NCAPH: variants seen among roughly 807,000 people sequenced by gnomAD.
The protein encoded by NCAPH is non-SMC condensin I complex subunit H, also known as condensin complex subunit 2.
In NCAPH, 38 loss-of-function variants were observed where a neutral mutation model predicts 85.5. The observed-to-expected ratio is 0.44, with a 90% CI of 0.34 to 0.58. The LOEUF (loss-of-function observed/expected upper bound fraction) is 0.58, where lower values mean the gene tolerates loss of function less well. Ranked by LOEUF, NCAPH falls within the 20% of genes least tolerant of loss-of-function variation. The pLI, the probability that NCAPH is intolerant of heterozygous loss-of-function variation, is 0.01. For synonymous variants in NCAPH, 301 were observed against 335.1 expected, an observed-to-expected ratio of 0.90 and a Z score of 1.11; for missense variants, 789 against 916.6, an observed-to-expected ratio of 0.86 and a Z score of 1.80.
rs776797054 is a variant in NCAPH at position 96,343,222 on chromosome 2, C to A, written c.513C>A (p.Ala171=). 6.2e-7 allele frequency: 1 copy of A among 1,614,000 alleles called. No individual in the cohort carries two copies. Among genetic ancestry groups the A allele is most frequent in the African/African-American group, 1.3e-5 (1 of 74,884 alleles). Reference sequence around the variant, plus strand: ...AGATCTATGCTGTGCGCGTGGATGCCGTCCATGCCGATGTATACAGAGTCC... The same window carrying A: ...AGATCTATGCTGTGCGCGTGGATGCAGTCCATGCCGATGTATACAGAGTCC... ...STKIYAVRVD[A]VHADVYRVLG... The change falls in exon 5 of 18, where the codon GCC becomes GCA. Residue 171 remains alanine, a synonymous_variant. Coordinates refer to ENST00000240423, the MANE Select transcript of NCAPH (RefSeq NM_015341.5).
chr2:96,361,606 T>G (rs2104477266), intron 12 of NCAPH, among the ~76,000 whole-genome samples: 1 of 151,974 alleles, frequency 6.6e-6, no homozygotes. Context: ...ATGTCCCTGC[T>G]GACAGGGTAA....
chr2:96,341,980 G>C (rs1450472510), intron 2 of NCAPH, 70 bp from the exon 3 acceptor site: 5 of 1,605,360 alleles, frequency 3.1e-6, no homozygotes, highest in South Asian at 2.2e-5. Context: ...AAACTTCATG[G>C]GTCTAGGTTT....
At chr2:96,366,923 A>G (rs2064708316) in intron 14 of NCAPH, among the ~76,000 whole-genome samples, 1 of 151,612 alleles carries the variant, frequency 6.6e-6, no homozygotes, top group Non-Finnish European at 1.5e-5. Flanking sequence ...GCGTGGCCAA[A>G]ATGGTGAAAT....
At chr2:96,349,746 C>T (rs931082350) in intron 6 of NCAPH, among the ~76,000 whole-genome samples, 2 of 152,122 alleles carry the variant, frequency 1.3e-5, no homozygotes, top group Non-Finnish European at 2.9e-5. Flanking sequence ...ATATATGAGC[C>T]GATCTCTTTT....
rs994173882 is a variant in NCAPH at position 96,376,896 on chromosome 2, A to G, written c.*3545A>G. ...CACAATAGGGTGACTATAGTCAATA[A>G]TAACAATTGTATATTTTAAAATAAA... On this transcript the variant is annotated 3_prime_UTR_variant, in exon 18 of 18. Transcript: ENST00000240423. Among the ~76,000 whole-genome samples, 1 of 152,206 alleles carries G rather than the reference A, an allele frequency of 6.6e-6. No individual in the cohort carries two copies. The highest frequency in any genetic ancestry group is 2.4e-5 in the African/African-American group (1 of 41,452).
intron 1 of NCAPH, among the ~76,000 whole-genome samples, chr2:96,340,640 T>C (rs1167685176): frequency 6.6e-6 from 1 of 152,096 alleles, no homozygotes; most frequent in Non-Finnish European, 1.5e-5. Flanking sequence ...TCCACCCACC[T>C]CGGCCTCCCA....
chr2:96,359,018 G>A (rs192580840), intron 9 of NCAPH, 27 bp from the exon 10 acceptor site: 1 of 1,610,470 alleles, frequency 6.2e-7, no homozygotes, highest in Admixed American at 1.7e-5. Flanking sequence ...TATATGTATT[G>A]TACATGTACA....
At position 96,361,785 on chromosome 2, in the gene NCAPH, CAT is replaced by C. The variant is rs1417783832; in HGVS notation, c.1587+1082_1587+1083del. Among the ~76,000 whole-genome samples, 762 of 98,680 alleles carry C rather than the reference CAT, an allele frequency of 7.7e-3. 9 individuals are homozygous for C. Among genetic ancestry groups the C allele is most frequent in the African/African-American group, 0.025 (665 of 26,242 alleles). 64.7% of individuals were successfully genotyped at this position (98,680 alleles called of 152,430 possible). On this transcript the variant is annotated intron_variant, in intron 12 of 17. Coordinates refer to ENST00000240423, the MANE Select transcript of NCAPH (RefSeq NM_015341.5). ...ATATATATACATATATATATATACACATATATATGTATATATATGTGTATATA... is the reference window on the plus strand; with the variant it reads ...ATATATATACATATATATATATACACATATATGTATATATATGTGTATATA...
chr2:96,341,168 G>GTTTTACA (rs2104419473), intron 1 of NCAPH, among the ~76,000 whole-genome samples: 1 of 152,212 alleles, frequency 6.6e-6, no homozygotes, highest in African/African-American at 2.4e-5. Flanking sequence ...CATTCTATTT[G>GTTTTACA]TTTTACATGT....
rs766047172 is a variant in NCAPH, at chr2:96,354,160, A to G, written c.1003-23A>G. On this transcript the variant is annotated intron_variant, in intron 8 of 17. Transcript: ENST00000240423. ...GGGTGGTTATAGGAATGAGAATTAC[A>G]GAACCCTCTTTTGTCCCTCCAGTCT... 41 of 1,607,630 alleles carry G rather than the reference A, an allele frequency of 2.6e-5. 1 individual carries two copies. The South Asian group carries it at 4.3e-4, about 17-fold the overall frequency.
Position 96,355,615 on chromosome 2 carries a change from A to G in NCAPH, c.1208+1227A>G, listed in dbSNP as rs114907273. Among the ~76,000 whole-genome samples the G allele has an allele frequency of 8.2e-3, 1,209 of 148,162 alleles. 19 individuals are homozygous for G. Among genetic ancestry groups the G allele is most frequent in the African/African-American group, 0.029 (1,161 of 40,262 alleles). ...ATGGCTGCAATTTTGCCCCATTCTC[A>G]TCGTGTCTTTTTTGTTTTTATGTTT... On this transcript the variant is annotated intron_variant, in intron 9 of 17. Transcript: ENST00000240423.
In NCAPH at chr2:96,373,897, T is replaced by C. The variant is rs1374986630; in HGVS notation, c.*546T>C. ...GACCTAGTCCTTACCCTTAGGGGGA[T>C]GCAGTCCTGGTTGTTATCCAGGATA... On this transcript the variant is annotated 3_prime_UTR_variant, in exon 18 of 18. Coordinates refer to ENST00000240423, the MANE Select transcript of NCAPH (RefSeq NM_015341.5). 6.6e-6 allele frequency: 1 copy of C among 152,544 alleles called. No homozygotes were observed. Among genetic ancestry groups the C allele is most frequent in the African/African-American group, 2.4e-5 (1 of 41,458 alleles). 9.4% of individuals were successfully genotyped at this position (152,544 alleles called of 1,614,324 possible). A position where few individuals can be genotyped will look rare whatever the true frequency, so the allele number is the denominator to read the frequency against.
Position 96,373,477 on chromosome 2 carries a change from G to A in NCAPH, c.*126G>A. On this transcript the variant is annotated 3_prime_UTR_variant, in exon 18 of 18. Transcript: ENST00000240423. Reference sequence around the variant, plus strand: ...GCTGTAGCCAACTACCAACGTGCCTGTTTGTTTGTTGCTCTTTCCTTCTCT... The same window carrying A: ...GCTGTAGCCAACTACCAACGTGCCTATTTGTTTGTTGCTCTTTCCTTCTCT... 1 of 849,258 alleles carries A rather than the reference G, an allele frequency of 1.2e-6. No individual in the cohort carries two copies. The highest frequency in any genetic ancestry group is 1.9e-6 in the Non-Finnish European group (1 of 521,136). The allele number at this position is 849,258 out of a possible 1,614,324, so 52.6% of individuals were successfully genotyped here. A position where few individuals can be genotyped will look rare whatever the true frequency, so the allele number is the denominator to read the frequency against.
chr2:96,345,903 A>G (rs2064355419), intron 6 of NCAPH, among the ~76,000 whole-genome samples: 1 of 152,182 alleles, frequency 6.6e-6, no homozygotes, highest in African/African-American at 2.4e-5. Context: ...AAACACTTGA[A>G]TATAGGTAGT....
intron 9 of NCAPH, 115 bp downstream of exon 9, chr2:96,354,503 AAT>A (rs920000352): frequency 1.1e-4 from 96 of 898,028 alleles, no homozygotes; most frequent in Non-Finnish European, 1.5e-4. Context: ...CCCCCCCAAA[AAT>A]AGAGACGGGC....
chr2:96,348,529 C>T (rs1028527155), intron 6 of NCAPH, among the ~76,000 whole-genome samples: 2 of 151,896 alleles, frequency 1.3e-5, no homozygotes, highest in Non-Finnish European at 2.9e-5. Context: ...ATGCTACACA[C>T]ATCTGAAGTG....
At position 96,374,006 on chromosome 2, in the gene NCAPH, T is replaced by G. The variant is rs2064805944; in HGVS notation, c.*655T>G. Among the ~76,000 whole-genome samples the G allele has an allele frequency of 6.6e-6, 1 of 152,250 alleles. No homozygotes were observed. The highest frequency in any genetic ancestry group is 6.5e-5 in the Admixed American group (1 of 15,288). ...AGAATGGAAGAGAGAGATTGCTGAC[T>G]GGACATTCAGATGCAAGACTGGGTC... On this transcript the variant is annotated 3_prime_UTR_variant, in exon 18 of 18. Transcript: ENST00000240423.
chr2:96,359,044 G>A lies in NCAPH; in HGVS notation c.1209-1G>A. The stretch of plus-strand genomic sequence containing the variant: ...TACATGTACAAATATGTGTGTTACA[G>A]GGAAGAAATGATTTCCCTTGGGGAT... On this transcript the variant is annotated splice_acceptor_variant, in intron 9 of 17. Transcript: ENST00000240423. LOFTEE classifies it high-confidence loss of function. 1.9e-6 allele frequency: 3 copies of A among 1,613,956 alleles called. No individual in the cohort carries two copies. The highest frequency in any genetic ancestry group is 2.2e-5 in the South Asian group (2 of 91,062).
chr2:96,359,821 G>A lies in NCAPH; in HGVS notation c.1358-322G>A, dbSNP rs12614623. ...AAATTTTCCATAGTGATGGGATCCC[G>A]CTTTGTTGCCTAGGCTGGTCTCGAC... On this transcript the variant is annotated intron_variant, in intron 10 of 17. Coordinates refer to ENST00000240423, the MANE Select transcript of NCAPH (RefSeq NM_015341.5). 1.3e-3 allele frequency among the ~76,000 whole-genome samples: 196 copies of A among 152,262 alleles called. 5 individuals carry two copies. In the East Asian group the frequency reaches 0.031, roughly 24 times the overall value.
Sources: gnomAD v4.1 joint callset for allele counts (sites outside exome capture counted in the v4.1 genomes callset) on GRCh38, gnomAD v4.1.1 for gene constraint, MANE v1.5 for transcripts, NCBI Gene and HGNC (gene_info 2026-07-23, HGNC 2026-07-21) for gene names.